Variants in PSD3 observed in about 807,000 individuals in gnomAD.
PSD3 encodes the protein PH and SEC7 domain-containing protein 3.
A neutral mutation model predicts 105.5 loss-of-function variants in PSD3; 49 were observed. The ratio of observed to expected loss-of-function variants is 0.46; its 90% CI spans 0.37 to 0.59. The LOEUF (loss-of-function observed/expected upper bound fraction) is 0.59, where lower values mean the gene tolerates loss of function less well. Ranked by LOEUF, PSD3 falls within the 20% of genes least tolerant of loss-of-function variation. The pLI, the probability that PSD3 is intolerant of heterozygous loss-of-function variation, is 0.00. For synonymous variants in PSD3, 557 were observed against 457.8 expected (o/e 1.22, Z -2.77); for missense variants, 1,561 against 1,263.8 (o/e 1.24, Z -3.57).
chr8:18,608,596 A>T (rs767306917), intron 11 of PSD3, among the ~76,000 whole-genome samples: 1 of 152,254 alleles, frequency 6.6e-6, no homozygotes, highest in Non-Finnish European at 1.5e-5. Flanking sequence ...GGAAATATAA[A>T]GTACAGTGAA....
At chr8:18,838,116 T>C (rs941493211) in intron 4 of PSD3, among the ~76,000 whole-genome samples, 5 of 152,254 alleles carry the variant, frequency 3.3e-5, no homozygotes, top group African/African-American at 1.2e-4. Flanking sequence ...ATTAATAATT[T>C]GTGAAATCAT....
intron 2 of PSD3, among the ~76,000 whole-genome samples, chr8:18,877,698 T>A (rs1817824741): frequency 6.6e-6 from 1 of 150,692 alleles, no homozygotes; most frequent in South Asian, 2.2e-4. Flanking sequence ...TGCACCACCA[T>A]GCCTGGACAA....
intron 9 of PSD3, among the ~76,000 whole-genome samples, chr8:18,703,209 A>C (rs1243443682): frequency 6.6e-6 from 1 of 152,112 alleles, no homozygotes; most frequent in African/African-American, 2.4e-5. Context: ...CTCCCCAATG[A>C]ATTAATAGTC....
intron 1 of PSD3, among the ~76,000 whole-genome samples, chr8:18,965,720 G>A (rs977562422): frequency 2.0e-5 from 3 of 152,254 alleles, no homozygotes; most frequent in African/African-American, 4.8e-5. Context: ...TGGATGGCAA[G>A]TGAAAACATG....
At chr8:18,840,205 C>T (rs972193994) in intron 4 of PSD3, among the ~76,000 whole-genome samples, 4 of 152,076 alleles carry the variant, frequency 2.6e-5, no homozygotes, top group African/African-American at 9.7e-5. Context: ...CTGCAAATGT[C>T]CCCCCCACAT....
At chr8:18,814,743 C>T (rs1284267028) in intron 4 of PSD3, among the ~76,000 whole-genome samples, 1 of 152,150 alleles carries the variant, frequency 6.6e-6, no homozygotes, top group Non-Finnish European at 1.5e-5. Flanking sequence ...AGCCCCATTT[C>T]CGGTGGACAA....
chr8:18,817,831 T>G (rs560104514), intron 4 of PSD3, among the ~76,000 whole-genome samples: 1 of 152,338 alleles, frequency 6.6e-6, no homozygotes, highest in East Asian at 1.9e-4. Flanking sequence ...CGTGAAAAAG[T>G]GGCAAAAGCA....
At chr8:18,908,470 G>T (rs1819986067) in intron 2 of PSD3, among the ~76,000 whole-genome samples, 1 of 151,996 alleles carries the variant, frequency 6.6e-6, no homozygotes, top group South Asian at 2.1e-4. Context: ...ACCTTTCAAG[G>T]CAAAGAACAA....
Position 18,990,178 on chromosome 8 carries a change from G to A in PSD3, c.21+23385C>T, listed in dbSNP as rs1041163916. 4.6e-5 allele frequency among the ~76,000 whole-genome samples: 7 copies of A among 152,146 alleles called. No homozygotes were observed. In the South Asian group the frequency reaches 8.3e-4, roughly 18 times the overall value. On this transcript the variant is annotated intron_variant, in intron 1 of 15. Coordinates refer to ENST00000327040, the MANE Select transcript of PSD3 (RefSeq NM_015310.4). The stretch of plus-strand genomic sequence containing the variant: ...CTTCCTTTCTTGCCCTCTTCAATCC[G>A]TTCTTCACAGGGCATCCAGAGTGAT...
chr8:18,658,432 T>C (rs776080514), intron 9 of PSD3, among the ~76,000 whole-genome samples: 33 of 152,150 alleles, frequency 2.2e-4, no homozygotes, highest in Admixed American at 3.3e-4. Context: ...AGCCTAGACG[T>C]CATAGTCTCT....
chr8:18,821,321 G>T (rs78116165), intron 4 of PSD3, among the ~76,000 whole-genome samples: 6 of 151,874 alleles, frequency 4.0e-5, no homozygotes, highest in Non-Finnish European at 5.9e-5. Context: ...TATTTTGTAA[G>T]CACTGCTATT....
intron 9 of PSD3, among the ~76,000 whole-genome samples, chr8:18,747,744 T>C (rs941406680): frequency 3.3e-5 from 5 of 151,870 alleles, no homozygotes; most frequent in African/African-American, 9.7e-5. Context: ...ATGAATTACA[T>C]GTGTACCAAT....
intron 4 of PSD3, among the ~76,000 whole-genome samples, chr8:18,820,116 A>C (rs1428781750): frequency 1.3e-5 from 2 of 151,426 alleles, no homozygotes; most frequent in Non-Finnish European, 2.9e-5. Flanking sequence ...TTTAAGAATT[A>C]TTAGAAACTC....
chr8:19,009,595 A>G (rs888168775), intron 1 of PSD3, among the ~76,000 whole-genome samples: 1 of 152,202 alleles, frequency 6.6e-6, no homozygotes, highest in Non-Finnish European at 1.5e-5. Flanking sequence ...GCGTTTTCCA[A>G]AAGTTAGGAC....
At chr8:18,564,246 G>T (rs1014891364) in intron 14 of PSD3, among the ~76,000 whole-genome samples, 3 of 151,998 alleles carry the variant, frequency 2.0e-5, no homozygotes, top group Non-Finnish European at 4.4e-5. Context: ...GAAATATTTA[G>T]TATTGGGATA....
At chr8:18,677,485 C>G (rs1024274345) in intron 9 of PSD3, among the ~76,000 whole-genome samples, 1 of 152,134 alleles carries the variant, frequency 6.6e-6, no homozygotes, top group Non-Finnish European at 1.5e-5. Context: ...GCAGAGGTTA[C>G]AGTGAGCCCA....
At chr8:19,018,922 G>C (rs1247697155) in intron 1 of PSD3, among the ~76,000 whole-genome samples, 1 of 152,082 alleles carries the variant, frequency 6.6e-6, no homozygotes, top group African/African-American at 2.4e-5. Flanking sequence ...TCAGCCTCCT[G>C]AGTAGCTGGG....
At chr8:18,976,802 A>G (rs1341299331) in intron 1 of PSD3, among the ~76,000 whole-genome samples, 2 of 152,200 alleles carry the variant, frequency 1.3e-5, no homozygotes, top group African/African-American at 4.8e-5. Flanking sequence ...TAGTATGACA[A>G]TATTGCCGCA....
chr8:18,607,704 A>C (rs1804955227), intron 11 of PSD3, among the ~76,000 whole-genome samples: 1 of 150,170 alleles, frequency 6.7e-6, no homozygotes, highest in South Asian at 2.1e-4. Flanking sequence ...AACAAAACAA[A>C]AAAAAAAAGG....
Sources: gnomAD v4.1 joint callset for allele counts (sites outside exome capture counted in the v4.1 genomes callset) on GRCh38, gnomAD v4.1.1 for gene constraint, MANE v1.5 for transcripts, NCBI Gene and HGNC (gene_info 2026-07-23, HGNC 2026-07-21) for gene names.